Variants in ZNF418 observed in about 807,000 individuals in gnomAD.
The protein encoded by ZNF418 is zinc finger protein 418.
A neutral mutation model predicts 32.0 loss-of-function variants in ZNF418; 32 were observed. The observed-to-expected ratio is 1.00, with a 90% CI of 0.75 to 1.34. The LOEUF is 1.34. Among genes scored for constraint, ZNF418 ranks in the 40% most tolerant of loss-of-function variants. The probability of loss-of-function intolerance (pLI) is 0.00; values close to 1 mark genes in which losing one functional copy is unlikely to be tolerated. For synonymous variants in ZNF418, 276 were observed against 270.7 expected (o/e 1.02, Z -0.19); for missense variants, 804 against 812.5 (o/e 0.99, Z 0.13).
Position 57,928,065 on chromosome 19 carries a change from C to T in ZNF418, c.134-18G>A. 3 of 1,517,788 alleles carry T rather than the reference C, an allele frequency of 2.0e-6. No homozygotes were observed. The highest frequency in any genetic ancestry group is 2.7e-6 in the Non-Finnish European group (3 of 1,131,146). The allele number at this position is 1,517,788 out of a possible 1,614,324, so 94.0% of individuals were successfully genotyped here. A position where few individuals can be genotyped will look rare whatever the true frequency, so the allele number is the denominator to read the frequency against. The stretch of plus-strand genomic sequence containing the variant: ...CCAACAACCTGAAAGCAAGAAAATG[C>T]TGATGAATTCAAGTTAACTCTGGTG... On this transcript the variant is annotated intron_variant, in intron 3 of 5. Transcript: ENST00000396147.
rs2072250428 is a variant in ZNF418, at chr19:57,926,821, A to G, written c.1360T>C (p.Tyr454His). 1 of 1,614,026 alleles carries G rather than the reference A, an allele frequency of 6.2e-7. No individual in the cohort carries two copies. Among genetic ancestry groups the G allele is most frequent in the Admixed American group, 1.7e-5 (1 of 59,998 alleles). The change falls in exon 4 of 6, where the codon TAT (tyrosine) becomes CAT (histidine). Residue 454 changes from tyrosine to histidine, a missense_variant. Tyr to His is a moderately conservative substitution (Grantham distance 83). This residue lies in a region of ZNF418 where 475 missense variants were observed against 458.6 expected (regional missense o/e 1.04). Transcript: ENST00000396147. ...HQRSHTGERPYECRECRKLFR... is the reference protein window; with the variant it reads ...HQRSHTGERPHECRECRKLFR... ...AATTTCCTACACTCTCTACACTCAT[A>G]AGGCCTTTCTCCAGTGTGGCTTCGC...
intron 4 of ZNF418, among the ~76,000 whole-genome samples, chr19:57,925,256 C>A (rs543788041): frequency 4.6e-5 from 7 of 151,980 alleles, no homozygotes; most frequent in Non-Finnish European, 1.0e-4. Context: ...GTCAGGAGAT[C>A]GAGACCATCC....
Position 57,935,372 on chromosome 19 carries a change from A to C in ZNF418, c.-292T>G. 1 of 303,148 alleles carries C rather than the reference A, an allele frequency of 3.3e-6. No individual in the cohort carries two copies. The highest frequency in any genetic ancestry group is 1.3e-4 in the East Asian group (1 of 7,508). 18.8% of individuals were successfully genotyped at this position (303,148 alleles called of 1,614,324 possible). A position where few individuals can be genotyped will look rare whatever the true frequency, so the allele number is the denominator to read the frequency against. On this transcript the variant is annotated 5_prime_UTR_variant, in exon 1 of 6. Transcript: ENST00000396147. ...AGAAACACACCCAACATTAACCAAA[A>C]TGGTCGCTACCAGAGAACGCTGAGA... is the stretch of plus-strand genomic sequence containing the variant.
Position 57,926,125 on chromosome 19 carries a change from G to T in ZNF418, c.*25C>A. On this transcript the variant is annotated 3_prime_UTR_variant, in exon 4 of 6. Transcript: ENST00000396147. ...GATCAAGAAGATGCACAGAGGTTTA[G>T]CTAAAGAATTTCCCAAATTTCTTTT... is the stretch of plus-strand genomic sequence containing the variant. The T allele has an allele frequency of 6.3e-7, 1 of 1,582,398 alleles. No homozygotes were observed. Among genetic ancestry groups the T allele is most frequent in the Non-Finnish European group, 8.6e-7 (1 of 1,159,838 alleles).
intron 3 of ZNF418, among the ~76,000 whole-genome samples, 196 bp from the exon 4 acceptor site, chr19:57,928,243 G>A (rs2072332881): frequency 6.6e-6 from 1 of 152,120 alleles, no homozygotes; most frequent in South Asian, 2.1e-4. Context: ...TGATATGAAG[G>A]GCATTAGCAT....
At position 57,926,322 on chromosome 19, in the gene ZNF418, T is replaced by G. The variant is rs776139302; in HGVS notation, c.1859A>C (p.Glu620Ala). The part of the protein sequence containing the change: ...QRLHTRGKPY[E>A]CSECGKSFAE... ...AAAGGATTTCCCACATTCGCTGCACTCGTAAGGCTTTCCTCGAGTATGAAG... is the reference window on the plus strand; with the variant it reads ...AAAGGATTTCCCACATTCGCTGCACGCGTAAGGCTTTCCTCGAGTATGAAG... The change falls in exon 4 of 6, where the codon GAG becomes GCG. Residue 620 changes from glutamate to alanine, a missense_variant. By Grantham distance (107) the Glu-to-Ala change is moderately radical (BLOSUM62 -1). Around this residue, in one of 3 missense-constraint regions of ZNF418, gnomAD observed 475 missense variants for 458.6 expected, o/e 1.04. Transcript: ENST00000396147. 1.2e-6 allele frequency: 2 copies of G among 1,611,798 alleles called. No homozygotes were observed. Among genetic ancestry groups the G allele is most frequent in the South Asian group, 2.2e-5 (2 of 91,046 alleles).
intron 4 of ZNF418, among the ~76,000 whole-genome samples, chr19:57,924,154 A>C (rs373332159): frequency 2.5e-4 from 38 of 152,162 alleles, no homozygotes; most frequent in East Asian, 9.7e-4. Flanking sequence ...AAAAAAAAAA[A>C]AGAAAAACAT....
At chr19:57,933,036 T>C (rs1251387229) in intron 2 of ZNF418, among the ~76,000 whole-genome samples, 3 of 152,180 alleles carry the variant, frequency 2.0e-5, no homozygotes, top group Non-Finnish European at 4.4e-5. Context: ...GCCCTCAGCC[T>C]GCAACCACCC....
At chr19:57,933,987 G>A (rs1242220098) in intron 1 of ZNF418, 85 bp from the exon 2 acceptor site, 5 of 1,568,460 alleles carry the variant, frequency 3.2e-6, no homozygotes, top group East Asian at 4.5e-5. Flanking sequence ...AGCATTTCAT[G>A]ACCTGGTACC....
At chr19:57,925,456 G>C (rs1003318849) in intron 4 of ZNF418, among the ~76,000 whole-genome samples, 167 bp downstream of exon 4, 5 of 132,800 alleles carry the variant, frequency 3.8e-5, no homozygotes, top group African/African-American at 1.4e-4. Flanking sequence ...GCGAGACTCT[G>C]TCTCAAAAAA....
intron 5 of ZNF418, 48 bp downstream of exon 5, chr19:57,923,144 T>C (rs2122615588): frequency 6.6e-6 from 1 of 150,886 alleles, no homozygotes; most frequent in South Asian, 2.1e-4. Context: ...CCACTAAAAA[T>C]ACAAAAATTA....
chr19:57,926,910 C>A lies in ZNF418; in HGVS notation c.1271G>T (p.Arg424Ile). 6.2e-7 allele frequency: 1 copy of A among 1,614,084 alleles called. No individual in the cohort carries two copies. The change falls in exon 4 of 6, where the codon AGA becomes ATA. Residue 424 changes from arginine (R) to isoleucine (I), a missense_variant. Around this residue, in one of 3 missense-constraint regions of ZNF418, gnomAD observed 475 missense variants for 458.6 expected, o/e 1.04. Coordinates refer to ENST00000396147, the MANE Select transcript of ZNF418 (RefSeq NM_133460.3). ...CCCACATTCTCCACACTCGTAAGGT[C>A]TTTCTCCAGTGTGACCTCGCTGATG... is the stretch of plus-strand genomic sequence containing the variant. ...RNHQRGHTGE[R>I]PYECGECGKS...
In ZNF418 at chr19:57,928,015, G is replaced by A. The variant is rs766824335; in HGVS notation, c.166C>T (p.Pro56Ser). ...TGTATAGAAATGCTCTTCTTAGAAG[G>A]TGCCTCCTCATCTTCTGATCCACAC... is the stretch of plus-strand genomic sequence containing the variant. ...CWCGSEDEEA[P>S]SKKSISIQRV... The change falls in exon 4 of 6, where the codon CCT (proline) becomes TCT (serine). Residue 56 changes from proline to serine, a missense_variant. By Grantham distance (74) the Pro-to-Ser change is moderately conservative. Transcript: ENST00000396147. The A allele has an allele frequency of 1.3e-6, 2 of 1,559,564 alleles. No individual in the cohort carries two copies. Among genetic ancestry groups the A allele is most frequent in the Non-Finnish European group, 1.7e-6 (2 of 1,149,380 alleles).
chr19:57,926,961 A>T lies in ZNF418; in HGVS notation c.1220T>A (p.Phe407Tyr). ...PYECGECGKS[F>Y]SRKGHLRNHQ... ...GTTCCTAAGGTGTCCCTTTCGACTA[A>T]AAGATTTCCCACATTCTCCACACTC... The change falls in exon 4 of 6, where the codon TTT (phenylalanine) becomes TAT (tyrosine). Residue 407 changes from phenylalanine (F) to tyrosine (Y), a missense_variant. Phe to Tyr is a conservative substitution (Grantham distance 22). Transcript: ENST00000396147. 1 of 1,614,066 alleles carries T rather than the reference A, an allele frequency of 6.2e-7. No homozygotes were observed.
At chr19:57,922,715 G>T in intron 5 of ZNF418, 86 bp from the exon 6 acceptor site, 1 of 396,796 alleles carries the variant, frequency 2.5e-6, no homozygotes, top group East Asian at 3.6e-5. Flanking sequence ...AAAACCAAAA[G>T]CATGCCAGGC....
intron 3 of ZNF418, among the ~76,000 whole-genome samples, chr19:57,929,844 A>G (rs939119353): frequency 6.6e-6 from 1 of 151,988 alleles, no homozygotes; most frequent in Non-Finnish European, 1.5e-5. Flanking sequence ...CACCACGCCC[A>G]GCTAATTTTT....
Position 57,927,024 on chromosome 19 carries a change from G to C in ZNF418, c.1157C>G (p.Thr386Ser). The C allele has an allele frequency of 1.2e-6, 2 of 1,611,290 alleles. No homozygotes were observed. The highest frequency in any genetic ancestry group is 1.7e-6 in the Non-Finnish European group (2 of 1,179,338). Residue 386 changes from threonine (T) to serine (S), a missense_variant, in exon 4 of 6, where the codon ACT becomes AGT. Physicochemically the swap from Thr to Ser is moderately conservative, Grantham distance 58. Transcript: ENST00000396147. ...TCTAGTGTGAACTCGATGATGTTCA[G>C]TTAGGGTGCCCTTTTGACTAAAACA... ...GKCFSQKGTL[T>S]EHHRVHTRER...
intron 1 of ZNF418, 180 bp from the exon 2 acceptor site, chr19:57,934,082 G>T (rs1220134796): frequency 2.1e-6 from 3 of 1,413,410 alleles, no homozygotes; most frequent in Non-Finnish European, 2.8e-6. Context: ...ATGGACTTAG[G>T]ATTCTGGGTT....
Position 57,926,322 on chromosome 19 carries a change from T to C in ZNF418, c.1859A>G (p.Glu620Gly), listed in dbSNP as rs776139302. The C allele has an allele frequency of 6.2e-7, 1 of 1,611,798 alleles. No homozygotes were observed. The highest frequency in any genetic ancestry group is 8.5e-7 in the Non-Finnish European group (1 of 1,178,936). ...AAAGGATTTCCCACATTCGCTGCAC[T>C]CGTAAGGCTTTCCTCGAGTATGAAG... ...QRLHTRGKPY[E>G]CSECGKSFAE... Residue 620 changes from glutamate to glycine, a missense_variant, in exon 4 of 6, where the codon GAG becomes GGG. Physicochemically the swap from Glu to Gly is moderately conservative, Grantham distance 98. Transcript: ENST00000396147.
Sources: gnomAD v4.1 joint callset for allele counts (sites outside exome capture counted in the v4.1 genomes callset) on GRCh38, gnomAD v4.1.1 for gene constraint, gnomAD v4.1.1 regional missense constraint, MANE v1.5 for transcripts, NCBI Gene and HGNC (gene_info 2026-07-23, HGNC 2026-07-21) for gene names.